TMEM117: variants seen among roughly 807,000 people sequenced by gnomAD.
The protein encoded by TMEM117 is transmembrane protein 117.
In TMEM117, 27 loss-of-function variants were observed where a neutral mutation model predicts 52.4. That is an observed-to-expected ratio of 0.51 (90% confidence interval 0.38 to 0.71). The LOEUF is 0.71. Among genes scored for constraint, TMEM117 ranks in the 30% least tolerant of loss-of-function variants. The probability of loss-of-function intolerance (pLI) is 0.00; values close to 1 mark genes in which losing one functional copy is unlikely to be tolerated. For missense variants in TMEM117, 556 were observed against 630.5 expected (o/e 0.88, Z 1.26); for synonymous variants, 215 against 206.3 (o/e 1.04, Z -0.36).
At chr12:44,141,024 G>T (rs1376835468) in intron 3 of TMEM117, among the ~76,000 whole-genome samples, 1 of 152,196 alleles carries the variant, frequency 6.6e-6, no homozygotes, top group African/African-American at 2.4e-5. Context: ...GTTCTTCACA[G>T]TTCTAACTTT....
intron 5 of TMEM117, among the ~76,000 whole-genome samples, chr12:44,282,392 T>C (rs1247015709): frequency 6.6e-6 from 1 of 152,178 alleles, no homozygotes; most frequent in Non-Finnish European, 1.5e-5. Context: ...AGTTTGGAAC[T>C]TCTTAGCGAC....
At chr12:44,288,960 C>T (rs770718154) in intron 5 of TMEM117, among the ~76,000 whole-genome samples, 2 of 152,042 alleles carry the variant, frequency 1.3e-5, no homozygotes, top group Non-Finnish European at 2.9e-5. Flanking sequence ...ACATTAGATC[C>T]TCAGAACCTA....
At chr12:44,048,853 C>T (rs974163006) in intron 3 of TMEM117, among the ~76,000 whole-genome samples, 2 of 152,094 alleles carry the variant, frequency 1.3e-5, no homozygotes, top group African/African-American at 4.8e-5. Context: ...TAAAAGAAAG[C>T]TTTTGGAAAT....
intron 3 of TMEM117, among the ~76,000 whole-genome samples, chr12:44,024,945 A>G (rs1226770846): frequency 5.3e-5 from 8 of 152,026 alleles, no homozygotes. Flanking sequence ...ATCTATTCCT[A>G]AGTGTAGGAA....
intron 6 of TMEM117, among the ~76,000 whole-genome samples, chr12:44,358,431 A>T (rs1951680510): frequency 6.6e-6 from 1 of 152,168 alleles, no homozygotes; most frequent in Non-Finnish European, 1.5e-5. Context: ...ACTTGTGAAC[A>T]AATGGATAGG....
At chr12:44,167,440 G>A (rs1429535612) in intron 4 of TMEM117, among the ~76,000 whole-genome samples, 4 of 152,068 alleles carry the variant, frequency 2.6e-5, no homozygotes, top group African/African-American at 9.7e-5. Flanking sequence ...AGGCCGAGGC[G>A]GGCAGATCAA....
chr12:44,108,426 A>G (rs1372882222), intron 3 of TMEM117, among the ~76,000 whole-genome samples: 2 of 96,252 alleles, frequency 2.1e-5, no homozygotes, highest in Non-Finnish European at 4.1e-5. Context: ...TCATTGTTCA[A>G]TTCCCACCTA....
chr12:44,146,164 C>T (rs1461147725), intron 4 of TMEM117, among the ~76,000 whole-genome samples: 4 of 152,190 alleles, frequency 2.6e-5, no homozygotes, highest in African/African-American at 9.7e-5. Context: ...CTATTCTGCA[C>T]TTGTCTGCCA....
intron 3 of TMEM117, among the ~76,000 whole-genome samples, chr12:44,065,495 A>G (rs1947208793): frequency 6.6e-6 from 1 of 152,196 alleles, no homozygotes; most frequent in Non-Finnish European, 1.5e-5. Flanking sequence ...AGTACCTAGT[A>G]CAGTTTCTGG....
intron 4 of TMEM117, among the ~76,000 whole-genome samples, chr12:44,162,124 C>T (rs978054162): frequency 1.3e-5 from 2 of 151,986 alleles, no homozygotes; most frequent in Admixed American, 1.3e-4. Context: ...TAGAGAACTC[C>T]CCAAAAATAA....
intron 3 of TMEM117, among the ~76,000 whole-genome samples, chr12:44,056,982 C>T (rs557912552): frequency 6.4e-4 from 98 of 152,270 alleles, no homozygotes; most frequent in Non-Finnish European, 1.2e-3. Context: ...CAGCAAGTCT[C>T]ATGCCTTTGA....
intron 2 of TMEM117, among the ~76,000 whole-genome samples, chr12:43,912,521 A>ATATATAATTC (rs1411608700): frequency 4.7e-5 from 1 of 21,502 alleles, no homozygotes; most frequent in East Asian, 0.022. Flanking sequence ...ATATATATAT[A>ATATATAATTC]TATATATATA....
At position 43,916,200 on chromosome 12, in the gene TMEM117, G is replaced by A. The variant is rs779193060; in HGVS notation, c.278-28010G>A. Reference sequence around the variant, plus strand: ...GAGGGATTCCCTGTTCCACCTCTTTGTTCTTCATTGCCTAATATTTTTCAG... The same window carrying A: ...GAGGGATTCCCTGTTCCACCTCTTTATTCTTCATTGCCTAATATTTTTCAG... On this transcript the variant is annotated intron_variant, in intron 2 of 7. Coordinates refer to ENST00000266534, the MANE Select transcript of TMEM117 (RefSeq NM_032256.3). 8.5e-5 allele frequency among the ~76,000 whole-genome samples: 13 copies of A among 152,162 alleles called. 1 individual carries two copies. Among genetic ancestry groups the A allele is most frequent in the Non-Finnish European group, 8.8e-5 (6 of 68,030 alleles).
At chr12:44,150,240 C>G (rs1310424432) in intron 4 of TMEM117, among the ~76,000 whole-genome samples, 1 of 152,054 alleles carries the variant, frequency 6.6e-6, no homozygotes, top group Non-Finnish European at 1.5e-5. Context: ...AGAAAAAAAG[C>G]ATGCATCAGG....
intron 4 of TMEM117, among the ~76,000 whole-genome samples, chr12:44,176,412 C>T (rs553845296): frequency 5.9e-5 from 9 of 152,278 alleles, no homozygotes; most frequent in South Asian, 2.1e-4. Context: ...ATTGCTTTAG[C>T]GTACAAGTCT....
intron 6 of TMEM117, among the ~76,000 whole-genome samples, chr12:44,316,122 G>A (rs993107471): frequency 1.3e-5 from 2 of 152,062 alleles, no homozygotes; most frequent in Admixed American, 1.3e-4. Flanking sequence ...ATTATTAACT[G>A]GTTGCTTTGT....
downstream of TMEM117, among the ~76,000 whole-genome samples, chr12:44,390,388 T>G (rs540418412): frequency 4.6e-5 from 7 of 152,238 alleles, no homozygotes; most frequent in African/African-American, 1.7e-4. Flanking sequence ...TAATAACACC[T>G]AGTACCACAT....
chr12:44,316,644 A>C (rs535602212), intron 6 of TMEM117, among the ~76,000 whole-genome samples: 515 of 152,062 alleles, frequency 3.4e-3, no homozygotes, highest in Non-Finnish European at 6.1e-3. Flanking sequence ...AATACTAGGG[A>C]CACTCTTTGT....
chr12:43,876,502 G>A (rs1046930644), intron 2 of TMEM117, among the ~76,000 whole-genome samples: 2 of 152,182 alleles, frequency 1.3e-5, no homozygotes, highest in African/African-American at 4.8e-5. Context: ...TATTTGCTCA[G>A]TAATCTTGGA....
Sources: gnomAD v4.1 joint callset for allele counts (sites outside exome capture counted in the v4.1 genomes callset) on GRCh38, gnomAD v4.1.1 for gene constraint, MANE v1.5 for transcripts, NCBI Gene and HGNC (gene_info 2026-07-23, HGNC 2026-07-21) for gene names.